Variants in PLCG2 observed in about 807,000 individuals in gnomAD.
The protein encoded by PLCG2 is phospholipase C gamma 2.
PLCG2 carries 69 observed loss-of-function variants against 175.6 expected under a neutral mutation model. The ratio of observed to expected loss-of-function variants is 0.39; its 90% CI spans 0.32 to 0.48. PLCG2 has a LOEUF of 0.48. Ranked by LOEUF, PLCG2 falls within the 20% of genes least tolerant of loss-of-function variation. The pLI, the probability that PLCG2 is intolerant of heterozygous loss-of-function variation, is 0.91. For missense variants in PLCG2, 1,798 were observed against 1,650.9 expected, an observed-to-expected ratio of 1.09 and a Z score of -1.54; for synonymous variants, 827 against 624.0, an observed-to-expected ratio of 1.33 and a Z score of -4.85.
intron 2 of PLCG2, among the ~76,000 whole-genome samples, chr16:81,842,313 T>A (rs1049508894): frequency 6.6e-6 from 1 of 152,158 alleles, no homozygotes; most frequent in Non-Finnish European, 1.5e-5. Context: ...TGGACTCTGT[T>A]GCACTCCTGA....
intron 1 of PLCG2, among the ~76,000 whole-genome samples, chr16:81,752,711 G>A (rs1909837190): frequency 6.6e-6 from 1 of 152,244 alleles, no homozygotes; most frequent in African/African-American, 2.4e-5. Flanking sequence ...TGAAGGACGT[G>A]ACTGTAGACG....
At chr16:81,858,753 C>T (rs886771890) in intron 4 of PLCG2, among the ~76,000 whole-genome samples, 2 of 152,206 alleles carry the variant, frequency 1.3e-5, no homozygotes, top group Admixed American at 1.3e-4. Flanking sequence ...GACCTCAAGA[C>T]TGTCTCTTCA....
intron 31 of PLCG2, among the ~76,000 whole-genome samples, chr16:81,956,002 A>G (rs1292090906): frequency 1.3e-5 from 2 of 152,146 alleles, no homozygotes; most frequent in Non-Finnish European, 2.9e-5. Context: ...GGCCACAATC[A>G]ATTTTAGAAC....
At chr16:81,866,055 T>C (rs1597362405) in intron 5 of PLCG2, among the ~76,000 whole-genome samples, 1 of 131,996 alleles carries the variant, frequency 7.6e-6, no homozygotes, top group East Asian at 2.4e-4. Flanking sequence ...GAGAGGACGC[T>C]GGCCTCTCCC....
intron 2 of PLCG2, among the ~76,000 whole-genome samples, chr16:81,815,961 C>G (rs112287263): frequency 0.12 from 18,661 of 151,648 alleles, 1,332 homozygotes; most frequent in Non-Finnish European, 0.16. Flanking sequence ...ACTCAGGAGG[C>G]TGAGGCAAGA....
intron 11 of PLCG2, among the ~76,000 whole-genome samples, chr16:81,892,769 C>G (rs572641212): frequency 2.9e-4 from 44 of 152,230 alleles, no homozygotes; most frequent in African/African-American, 9.6e-4. Context: ...ATTAAGCCTA[C>G]TTACTACCCA....
chr16:81,836,828 T>G (rs1905541719), intron 2 of PLCG2, among the ~76,000 whole-genome samples: 1 of 152,218 alleles, frequency 6.6e-6, no homozygotes, highest in Admixed American at 6.5e-5. Context: ...TGACTCTCTC[T>G]GCTTCAGCCT....
intron 1 of PLCG2, chr16:81,740,382 G>C (rs369231241): frequency 6.6e-6 from 1 of 152,292 alleles, no homozygotes; most frequent in South Asian, 2.1e-4. Context: ...GGTCAAGGGT[G>C]AGCACGTGAC....
intron 2 of PLCG2, among the ~76,000 whole-genome samples, chr16:81,792,799 C>G (rs567428933): frequency 3.8e-4 from 58 of 152,190 alleles, no homozygotes; most frequent in Admixed American, 1.1e-3. Context: ...TGGGTCCCTC[C>G]TATGACACAT....
intron 5 of PLCG2, among the ~76,000 whole-genome samples, chr16:81,861,762 C>A (rs978622490): frequency 6.6e-6 from 1 of 152,184 alleles, no homozygotes; most frequent in South Asian, 2.1e-4. Flanking sequence ...TCTCTCCACG[C>A]GGTGCTGGTA....
At position 81,961,341 on chromosome 16, in the gene PLCG2, T is replaced by C. The variant is rs1429664163; in HGVS notation, c.*3343T>C. 1 of 225,518 alleles carries C rather than the reference T, an allele frequency of 4.4e-6. No homozygotes were observed. The highest frequency in any genetic ancestry group is 2.2e-5 in the African/African-American group (1 of 44,938). 14.0% of individuals were successfully genotyped at this position (225,518 alleles called of 1,614,324 possible). A position where few individuals can be genotyped will look rare whatever the true frequency, so the allele number is the denominator to read the frequency against. ...TTATCAATCTACATAGATGAAATAA[T>C]TGTGGAGAAAAGCCCTCTTTATCTC... On this transcript the variant is annotated 3_prime_UTR_variant, in exon 33 of 33. Transcript: ENST00000564138.
At chr16:81,895,432 C>G (rs916306547) in intron 12 of PLCG2, among the ~76,000 whole-genome samples, 15 of 152,186 alleles carry the variant, frequency 9.9e-5, no homozygotes, top group African/African-American at 3.4e-4. Flanking sequence ...TGATGGTACG[C>G]GCCTGTAGTC....
In PLCG2 at chr16:81,870,866, C is replaced by G. The variant is rs201080992; in HGVS notation, c.579C>G (p.His193Gln). ...LKDKFVEIGA[H>Q]KDELSFEQFH... ...CATATTTACAGGAAATAGGAGCACA[C>G]AAAGATGAGCTCAGCTTTGAACAGT... The change falls in exon 7 of 33, where the codon CAC becomes CAG. Residue 193 changes from histidine (H) to glutamine (Q), a missense_variant. Coordinates refer to ENST00000564138, the MANE Select transcript of PLCG2 (RefSeq NM_002661.5). The G allele has an allele frequency of 3.2e-4, 508 of 1,594,418 alleles. 4 individuals are homozygous for G. In the East Asian group the frequency reaches 7.6e-3, roughly 24 times the overall value.
Position 81,958,052 on chromosome 16 carries a change from G to C in PLCG2, c.*54G>C, listed in dbSNP as rs1911646684. ...TGTGTGTGCGCATGTGTGTTTGCATGTAGGAGAACGTGCCCTATTCACACT... is the reference window on the plus strand; with the variant it reads ...TGTGTGTGCGCATGTGTGTTTGCATCTAGGAGAACGTGCCCTATTCACACT... On this transcript the variant is annotated 3_prime_UTR_variant, in exon 33 of 33. Transcript: ENST00000564138. 4.0e-6 allele frequency: 5 copies of C among 1,241,274 alleles called. No individual in the cohort carries two copies. Among genetic ancestry groups the C allele is most frequent in the African/African-American group, 1.5e-5 (1 of 68,012 alleles). The allele number at this position is 1,241,274 out of a possible 1,614,324, so 76.9% of individuals were successfully genotyped here.
intron 31 of PLCG2, among the ~76,000 whole-genome samples, chr16:81,951,903 C>T (rs1301025278): frequency 6.6e-6 from 1 of 152,112 alleles, no homozygotes; most frequent in African/African-American, 2.4e-5. Flanking sequence ...CAAATTTAAA[C>T]TGTACAAATT....
intron 13 of PLCG2, 152 bp from the exon 14 acceptor site, chr16:81,900,460 T>A: frequency 1.7e-6 from 1 of 577,102 alleles, no homozygotes; most frequent in Non-Finnish European, 3.0e-6. Flanking sequence ...CAGGATGAGG[T>A]CCTCTCCTTC....
chr16:81,872,958 C>T (rs1004265989), intron 7 of PLCG2, among the ~76,000 whole-genome samples: 10 of 152,170 alleles, frequency 6.6e-5, no homozygotes, highest in African/African-American at 1.4e-4. Flanking sequence ...GACCACTGGC[C>T]GTGGGACTTT....
At chr16:81,848,396 A>C (rs1906232411) in intron 2 of PLCG2, among the ~76,000 whole-genome samples, 1 of 152,128 alleles carries the variant, frequency 6.6e-6, no homozygotes, top group African/African-American at 2.4e-5. Flanking sequence ...GCCCTTTGGA[A>C]GGGGGTGTGC....
chr16:81,923,799 G>A lies in PLCG2; in HGVS notation c.2417+205G>A, dbSNP rs72824919. On this transcript the variant is annotated intron_variant, in intron 22 of 32. Transcript: ENST00000564138. Reference sequence around the variant, plus strand: ...ATAAACAACAATATTAACAGGTATCGACATATCATATCATATATTGTATAT... The same window carrying A: ...ATAAACAACAATATTAACAGGTATCAACATATCATATCATATATTGTATAT... 3.3e-3 allele frequency among the ~76,000 whole-genome samples: 499 copies of A among 152,254 alleles called. 2 individuals are homozygous for A. The highest frequency in any genetic ancestry group is 5.7e-3 in the Non-Finnish European group (385 of 68,014).
Sources: gnomAD v4.1 joint callset for allele counts (sites outside exome capture counted in the v4.1 genomes callset) on GRCh38, gnomAD v4.1.1 for gene constraint, MANE v1.5 for transcripts, NCBI Gene and HGNC (gene_info 2026-07-23, HGNC 2026-07-21) for gene names.